Variants in CKLF observed in about 807,000 individuals in gnomAD.
CKLF encodes chemokine like factor.
A neutral mutation model predicts 12.9 loss-of-function variants in CKLF; 16 were observed. The observed-to-expected ratio is 1.24, with a 90% CI of 0.84 to 1.88. The LOEUF (loss-of-function observed/expected upper bound fraction) is 1.88. Among genes scored for constraint, CKLF ranks in the 40% most tolerant of loss-of-function variants. The probability of loss-of-function intolerance (pLI) is 0.00; values close to 1 mark genes in which losing one functional copy is unlikely to be tolerated. For synonymous variants in CKLF, 61 were observed against 69.0 expected, an observed-to-expected ratio of 0.88 and a Z score of 0.57; for missense variants, 172 against 188.5, an observed-to-expected ratio of 0.91 and a Z score of 0.51.
At chr16:66,558,508 G>A (rs1175661625) in intron 2 of CKLF, 160 bp downstream of exon 2, 9 of 1,015,608 alleles carry the variant, frequency 8.9e-6, no homozygotes, top group Non-Finnish European at 2.7e-6. Flanking sequence ...TATTGCTTTG[G>A]GAGAGGGTCT....
chr16:66,563,234 CTGCT>C lies in CKLF; in HGVS notation c.333+23_333+26del, dbSNP rs1182237795. On this transcript the variant is annotated intron_variant, in intron 3 of 3. Coordinates refer to ENST00000264001, the MANE Select transcript of CKLF (RefSeq NM_016951.4). ...GGTGGAGGGGTAAGTGGAAGTCTTT[CTGCT>C]TGCTTTCTTCAGGTTTTATCAGAAT... The C allele has an allele frequency of 1.9e-6, 3 of 1,611,190 alleles. No homozygotes were observed. In the Admixed American group the frequency reaches 5.1e-5, roughly 27 times the overall value.
At position 66,552,677 on chromosome 16, in the gene CKLF, G is replaced by T. The variant is rs375101724; in HGVS notation, c.-39G>T. On this transcript the variant is annotated 5_prime_UTR_variant, in exon 1 of 4. Transcript: ENST00000264001. ...ACCTACTCAGGCAGCCAGCTGAGAA[G>T]AGTTGAGGGAAAGTGCTGCTGCTGG... 63 of 1,614,016 alleles carry T rather than the reference G, an allele frequency of 3.9e-5. No homozygotes were observed. The African/African-American group carries it at 6.5e-4, about 17-fold the overall frequency.
chr16:66,554,957 C>T (rs1245042478), intron 1 of CKLF, among the ~76,000 whole-genome samples: 1 of 152,108 alleles, frequency 6.6e-6, no homozygotes, highest in Non-Finnish European at 1.5e-5. Flanking sequence ...GTATACTAGG[C>T]CAGGCCCGGT....
intron 1 of CKLF, among the ~76,000 whole-genome samples, chr16:66,554,868 A>C (rs2011359671): frequency 6.6e-6 from 1 of 152,224 alleles, no homozygotes; most frequent in Non-Finnish European, 1.5e-5. Context: ...CAAGGAAACC[A>C]GCGTAACTGG....
intron 1 of CKLF, among the ~76,000 whole-genome samples, chr16:66,553,025 T>C (rs1267873646): frequency 6.6e-6 from 1 of 152,048 alleles, no homozygotes; most frequent in Non-Finnish European, 1.5e-5. Flanking sequence ...CGGGGCGCCG[T>C]GGCGCACACC....
rs568778519 is a variant in CKLF at position 66,563,164 on chromosome 16, G to A, written c.280G>A (p.Val94Ile). 7.3e-5 allele frequency: 118 copies of A among 1,614,000 alleles called. No individual in the cohort carries two copies. Among genetic ancestry groups the A allele is most frequent in the East Asian group, 1.3e-4 (6 of 44,870 alleles). The change falls in exon 3 of 4, where the codon GTA (valine) becomes ATA (isoleucine). Residue 94 changes from valine (V) to isoleucine (I), a missense_variant. Val to Ile is a conservative substitution (Grantham distance 29, BLOSUM62 3). Transcript: ENST00000264001. ...SLVTTVFMLIVSVLALIPETT... is the reference protein window; with the variant it reads ...SLVTTVFMLIISVLALIPETT... ...GGTAACAACAGTATTCATGCTCATC[G>A]TATCTGTGTTGGCACTGATACCAGA...
intron 3 of CKLF, 76 bp from the exon 4 acceptor site, chr16:66,565,810 C>T: frequency 7.2e-7 from 1 of 1,391,072 alleles, no homozygotes; most frequent in African/African-American, 1.4e-5. Flanking sequence ...ATCTGGTGGG[C>T]AGACCACTTA....
intron 3 of CKLF, among the ~76,000 whole-genome samples, chr16:66,564,762 G>A (rs1453416367): frequency 5.3e-5 from 8 of 152,288 alleles, no homozygotes; most frequent in Admixed American, 1.3e-4. Context: ...GAGCCACCGC[G>A]CCCGGCCGAC....
At chr16:66,552,892 C>T (rs1223383478) in intron 1 of CKLF, 99 bp downstream of exon 1, 5 of 1,558,876 alleles carry the variant, frequency 3.2e-6, no homozygotes, top group Non-Finnish European at 4.4e-6. Flanking sequence ...TGCTTTTCAA[C>T]CTCGCTTTGA....
chr16:66,565,276 CAGAT>C (rs2012145445), intron 3 of CKLF, among the ~76,000 whole-genome samples: 1 of 152,140 alleles, frequency 6.6e-6, no homozygotes. Flanking sequence ...CACCAGCTCT[CAGAT>C]AGCCATCAGA....
intron 2 of CKLF, among the ~76,000 whole-genome samples, chr16:66,561,882 C>T (rs962257464): frequency 6.6e-6 from 1 of 152,198 alleles, no homozygotes; most frequent in Non-Finnish European, 1.5e-5. Context: ...CCACGCTACA[C>T]ATCCATTTTA....
At chr16:66,557,293 G>A (rs989888564) in intron 1 of CKLF, among the ~76,000 whole-genome samples, 3 of 152,022 alleles carry the variant, frequency 2.0e-5, no homozygotes, top group African/African-American at 4.8e-5. Context: ...TCAGCCACCC[G>A]AGTAGCTGGG....
intron 3 of CKLF, 166 bp from the exon 4 acceptor site, chr16:66,565,720 A>G (rs898518536): frequency 3.6e-5 from 24 of 667,816 alleles, no homozygotes; most frequent in Admixed American, 4.9e-5. Flanking sequence ...AATGAGGAGA[A>G]TAAGATGATC....
chr16:66,555,098 A>T (rs1455912450), intron 1 of CKLF, among the ~76,000 whole-genome samples: 1 of 152,102 alleles, frequency 6.6e-6, no homozygotes, highest in Non-Finnish European at 1.5e-5. Context: ...TTAGCCAGGC[A>T]TGGTGGCGTA....
intron 1 of CKLF, among the ~76,000 whole-genome samples, chr16:66,556,037 T>C (rs2011438701): frequency 6.6e-6 from 1 of 152,112 alleles, no homozygotes; most frequent in African/African-American, 2.4e-5. Flanking sequence ...AGATAGGGAT[T>C]CTAAATGGCT....
intron 1 of CKLF, chr16:66,553,307 G>GA (rs555475765): frequency 0.081 from 11,548 of 143,136 alleles, 599 homozygotes; most frequent in Non-Finnish European, 0.12. Context: ...AGATTTGAAA[G>GA]AAAAAAAAAA....
At chr16:66,564,563 C>T (rs1042901054) in intron 3 of CKLF, among the ~76,000 whole-genome samples, 4 of 151,636 alleles carry the variant, frequency 2.6e-5, no homozygotes, top group South Asian at 4.2e-4. Flanking sequence ...CTCTGCCTCC[C>T]GGGTTCACGC....
At chr16:66,560,518 A>G (rs548023896) in intron 2 of CKLF, among the ~76,000 whole-genome samples, 1 of 152,178 alleles carries the variant, frequency 6.6e-6, no homozygotes, top group Admixed American at 6.5e-5. Context: ...TACTTAAAAG[A>G]TATTCATATG....
At chr16:66,563,633 C>T (rs1402159454) in intron 3 of CKLF, among the ~76,000 whole-genome samples, 3 of 152,262 alleles carry the variant, frequency 2.0e-5, no homozygotes, top group Non-Finnish European at 2.9e-5. Flanking sequence ...CTGTTTTGAG[C>T]TCAGTTATTT....
Sources: allele counts gnomAD v4.1 joint callset (sites outside exome capture counted in the v4.1 genomes callset), GRCh38; gene constraint gnomAD v4.1.1; transcripts MANE v1.5; gene names NCBI Gene and HGNC (gene_info 2026-07-23, HGNC 2026-07-21).